The following DST variants were observed in gnomAD, a reference collection of about 807,000 sequenced individuals.
DST encodes the protein bullous pemphigoid antigen.
Under a neutral mutation model 875.2 loss-of-function variants are expected in DST, and 253 were observed. That is an observed-to-expected ratio of 0.29 (90% CI 0.26 to 0.32). The LOEUF is 0.32. DST is among the 10% of genes least tolerant of loss of function. DST has a pLI of 1.00. For synonymous variants in DST, 3,124 were observed against 3,197.1 expected (o/e 0.98, Z 0.77); for missense variants, 8,287 against 9,111.6 (o/e 0.91, Z 3.68).
At chr6:56,644,017 G>A (rs994634889) in intron 15 of DST, among the ~76,000 whole-genome samples, 12 of 152,168 alleles carry the variant, frequency 7.9e-5, no homozygotes, top group Non-Finnish European at 1.5e-4. Context: ...TAAAGAACTT[G>A]TCTAACATCA....
intron 50 of DST, 36 bp from the exon 51 acceptor site, chr6:56,573,923 T>C: frequency 2.0e-6 from 3 of 1,499,204 alleles, no homozygotes; most frequent in Non-Finnish European, 2.8e-6. Flanking sequence ...AACCACAAAG[T>C]TCTCTTTGCC....
chr6:56,888,993 A>G (rs1785978615), intron 3 of DST, among the ~76,000 whole-genome samples: 1 of 152,162 alleles, frequency 6.6e-6, no homozygotes, highest in Non-Finnish European at 1.5e-5. Context: ...CCTAAAATGA[A>G]TAGCCTTAAA....
At chr6:56,905,808 C>T (rs530964584) in intron 2 of DST, among the ~76,000 whole-genome samples, 15 of 152,210 alleles carry the variant, frequency 9.9e-5, no homozygotes, top group African/African-American at 3.6e-4. Flanking sequence ...GCCACCGCAC[C>T]CAGCTAATTT....
In DST at chr6:56,687,784, T is replaced by TA. The variant is rs55759800; in HGVS notation, c.1047+11868dup. Among the ~76,000 whole-genome samples the TA allele has an allele frequency of 1.5e-3, 207 of 140,866 alleles. 1 individual carries two copies. The highest frequency in any genetic ancestry group is 3.9e-3 in the South Asian group (17 of 4,414). The allele number at this position is 140,866 out of a possible 152,430, so 92.4% of individuals were successfully genotyped here. On this transcript the variant is annotated intron_variant, in intron 9 of 103. Transcript: ENST00000680361. ...CACATTTTTAGCTCTGCTTCCAAGTTAAAAAAAAAAAAAAGTGTGAAAATG... is the reference window on the plus strand; with the variant it reads ...CACATTTTTAGCTCTGCTTCCAAGTTAAAAAAAAAAAAAAAGTGTGAAAATG...
intron 61 of DST, among the ~76,000 whole-genome samples, chr6:56,551,718 A>C (rs908463159): frequency 6.6e-6 from 1 of 152,230 alleles, no homozygotes; most frequent in Non-Finnish European, 1.5e-5. Context: ...TGCCTTTAAA[A>C]ATATGAGCTT....
In DST at chr6:56,625,194, C is replaced by T. The variant is rs369264011; in HGVS notation, c.4793G>A (p.Arg1598Gln). The T allele has an allele frequency of 2.6e-5, 42 of 1,613,412 alleles. No individual in the cohort carries two copies. Among genetic ancestry groups the T allele is most frequent in the African/African-American group, 1.9e-4 (14 of 74,992 alleles). Residue 1598 changes from arginine to glutamine, a missense_variant, in exon 35 of 104, where the codon CGA becomes CAA. Arg to Gln is a conservative substitution (Grantham distance 43, BLOSUM62 1). Coordinates refer to ENST00000680361, the MANE Select transcript of DST (RefSeq NM_001374736.1). ...GAGATCTGCTGAACTCTGCATTCTT[C>T]GGCGTTTCACTGGAGATTTTTGTTG... ...DSQQKSPVKRRRMQSSADLII... is the reference protein window; with the variant it reads ...DSQQKSPVKRQRMQSSADLII...
At chr6:56,694,135 C>G (rs1239225977) in intron 9 of DST, among the ~76,000 whole-genome samples, 1 of 148,706 alleles carries the variant, frequency 6.7e-6, no homozygotes, top group Admixed American at 6.7e-5. Context: ...TTTATGAGGG[C>G]CTTGCTGGAA....
At chr6:56,630,489 T>A in intron 30 of DST, 106 bp from the exon 31 acceptor site, 1 of 983,756 alleles carries the variant, frequency 1.0e-6, no homozygotes, top group Non-Finnish European at 1.6e-6. Context: ...GTTCTTCACC[T>A]TGGAACACTG....
intron 33 of DST, among the ~76,000 whole-genome samples, chr6:56,627,585 T>C (rs747908832): frequency 3.3e-5 from 5 of 152,186 alleles, no homozygotes; most frequent in African/African-American, 4.8e-5. Context: ...CTAGAGATGA[T>C]TGGCCCCTAA....
intron 9 of DST, among the ~76,000 whole-genome samples, chr6:56,695,080 T>C (rs2099255736): frequency 1.4e-5 from 2 of 147,544 alleles, no homozygotes; most frequent in African/African-American, 5.2e-5. Context: ...TGAGCCAAGA[T>C]TGCACCGCTG....
chr6:56,664,297 A>G (rs2099060734), intron 10 of DST, among the ~76,000 whole-genome samples: 3 of 152,222 alleles, frequency 2.0e-5, no homozygotes, highest in South Asian at 4.1e-4. Context: ...GCAGATATCT[A>G]CTTGGAGAGA....
rs201695666 is a variant in DST at position 56,609,132 on chromosome 6, C to T, written c.5496G>A (p.Leu1832=). ...KSHGLIDEQI[L]CQLKELSKAK... ...CTTTACTTAGTTCTTTGAGTTGGCA[C>T]AGAATTTGTTCATCAATAAGGCCAT... is the stretch of plus-strand genomic sequence containing the variant. Residue 1832 remains leucine, a synonymous_variant, in exon 40 of 104, where the codon CTG becomes CTA. Transcript: ENST00000680361. 9.7e-5 allele frequency: 157 copies of T among 1,613,820 alleles called. No homozygotes were observed. The highest frequency in any genetic ancestry group is 1.7e-4 in the Middle Eastern group (1 of 6,060).
chr6:56,691,008 T>C (rs145401818), intron 9 of DST, among the ~76,000 whole-genome samples: 351 of 152,336 alleles, frequency 2.3e-3, no homozygotes, highest in African/African-American at 7.9e-3. Flanking sequence ...CGTCAGGCTT[T>C]ATATACATTG....
intron 2 of DST, among the ~76,000 whole-genome samples, chr6:56,942,418 T>C (rs1817079147): frequency 2.0e-5 from 3 of 152,164 alleles, no homozygotes; most frequent in South Asian, 4.1e-4. Flanking sequence ...TCTTGCCTTC[T>C]TCAGGTCATT....
chr6:56,505,845 A>C (rs1211071660), intron 77 of DST, among the ~76,000 whole-genome samples: 1 of 152,024 alleles, frequency 6.6e-6, no homozygotes, highest in Non-Finnish European at 1.5e-5. Flanking sequence ...TTAAAAAAAA[A>C]CCTTATAAAT....
intron 2 of DST, among the ~76,000 whole-genome samples, chr6:56,934,003 T>C (rs1409907920): frequency 6.6e-6 from 1 of 152,134 alleles, no homozygotes; most frequent in African/African-American, 2.4e-5. Flanking sequence ...TTGTCACTAT[T>C]ACATTTTGTT....
chr6:56,627,424 G>A, intron 33 of DST, 137 bp from the exon 34 acceptor site: 2 of 722,528 alleles, frequency 2.8e-6, no homozygotes, highest in Non-Finnish European at 5.0e-6. Context: ...TACACAACTT[G>A]CCTTATGGGA....
At chr6:56,733,250 A>T (rs973148579) in intron 5 of DST, among the ~76,000 whole-genome samples, 3 of 152,130 alleles carry the variant, frequency 2.0e-5, no homozygotes, top group South Asian at 4.2e-4. Context: ...GAGGCAACAC[A>T]CCTATCAATC....
chr6:56,874,934 A>G (rs548795564), intron 3 of DST, among the ~76,000 whole-genome samples: 1 of 152,286 alleles, frequency 6.6e-6, no homozygotes, highest in African/African-American at 2.4e-5. Context: ...ATAACCTTCT[A>G]ACAACTCCTG....
Sources: gnomAD v4.1 joint callset for allele counts (sites outside exome capture counted in the v4.1 genomes callset) on GRCh38, gnomAD v4.1.1 for gene constraint, MANE v1.5 for transcripts, NCBI Gene and HGNC (gene_info 2026-07-23, HGNC 2026-07-21) for gene names.